EMG1: variants seen among roughly 807,000 people sequenced by gnomAD.
EMG1 encodes the protein ribosomal RNA small subunit methyltransferase NEP1.
In EMG1, 24 loss-of-function variants were observed where a neutral mutation model predicts 26.9. The ratio of observed to expected loss-of-function variants is 0.89; its 90% confidence interval spans 0.65 to 1.26. EMG1 has a LOEUF of 1.26. Ranked by LOEUF, EMG1 falls within the 50% of genes most tolerant of loss-of-function variation. The pLI is 0.00. For missense variants in EMG1, 299 were observed against 307.6 expected (o/e 0.97, Z 0.21); for synonymous variants, 140 against 112.6 (o/e 1.24, Z -1.54).
chr12:6,977,490 G>C lies in EMG1; in HGVS notation c.*1681G>C, dbSNP rs781973336. ...GGAGGACAGTAATGGCGGCCAGCTTGCTCAGGGTGGGGCTCTCTTGAATGA... is the reference window on the plus strand; with the variant it reads ...GGAGGACAGTAATGGCGGCCAGCTTCCTCAGGGTGGGGCTCTCTTGAATGA... On this transcript the variant is annotated 3_prime_UTR_variant, in exon 6 of 6. Transcript: ENST00000599672. The surrounding 1 kb of genome is among the most constrained non-coding windows in gnomAD (Gnocchi z 4.5). 25 of 1,614,224 alleles carry C rather than the reference G, an allele frequency of 1.5e-5. No homozygotes were observed. The South Asian group carries it at 2.5e-4, about 16-fold the overall frequency.
intron 6 of EMG1, among the ~76,000 whole-genome samples, chr12:6,985,089 TA>T (rs10559240): frequency 0.82 from 92,331 of 112,530 alleles, 38,314 homozygotes; most frequent in East Asian, 0.96. Flanking sequence ...CCCCATACAT[TA>T]AAAAAAAAAA....
chr12:6,993,286 T>C (rs1468616989), intron 7 of EMG1, among the ~76,000 whole-genome samples: 6 of 151,772 alleles, frequency 4.0e-5, no homozygotes, highest in African/African-American at 1.5e-4. Context: ...AACAAAAAAT[T>C]AGCTGGGCGT....
At chr12:6,991,890 A>G (rs1214690201), downstream of EMG1, among the ~76,000 whole-genome samples, 3 of 152,130 alleles carry the variant, frequency 2.0e-5, no homozygotes, top group Non-Finnish European at 4.4e-5. Flanking sequence ...CATTTCTTCA[A>G]ACAAGTTTAA....
chr12:6,981,899 G>A, downstream of EMG1: 2 of 1,583,928 alleles, frequency 1.3e-6, no homozygotes, highest in Non-Finnish European at 1.7e-6. Flanking sequence ...CAGCCAGAAG[G>A]TAGGCCTAGG....
Position 6,979,670 on chromosome 12 carries a change from G to T in EMG1, c.*3861G>T, listed in dbSNP as rs1431223916. 1.2e-6 allele frequency: 1 copy of T among 857,260 alleles called. No individual in the cohort carries two copies. Among genetic ancestry groups the T allele is most frequent in the Non-Finnish European group, 1.9e-6 (1 of 517,160 alleles). 53.1% of individuals were successfully genotyped at this position (857,260 alleles called of 1,614,324 possible). Reference sequence around the variant, plus strand: ...TTCAGTTATGGAGAGGAGTGTTTAGGGGTGTGGTTGTCTACCTGGAATGGG... The same window carrying T: ...TTCAGTTATGGAGAGGAGTGTTTAGTGGTGTGGTTGTCTACCTGGAATGGG... On this transcript the variant is annotated 3_prime_UTR_variant, in exon 6 of 6. Coordinates refer to ENST00000599672, the MANE Select transcript of EMG1 (RefSeq NM_006331.8).
downstream of EMG1, chr12:6,983,422 G>GT: frequency 6.4e-7 from 1 of 1,560,658 alleles, no homozygotes; most frequent in South Asian, 1.1e-5. Flanking sequence ...TGCTAATTTA[G>GT]TTTACTCACC....
Position 6,979,680 on chromosome 12 carries a change from G to A in EMG1, c.*3871G>A. The A allele has an allele frequency of 1.3e-6, 1 of 787,342 alleles. No individual in the cohort carries two copies. The highest frequency in any genetic ancestry group is 1.5e-5 in the South Asian group (1 of 64,836). 48.8% of individuals were successfully genotyped at this position (787,342 alleles called of 1,614,324 possible). ...GAGAGGAGTGTTTAGGGGTGTGGTT[G>A]TCTACCTGGAATGGGATGAGAAGCT... On this transcript the variant is annotated 3_prime_UTR_variant, in exon 6 of 6. Coordinates refer to ENST00000599672, the MANE Select transcript of EMG1 (RefSeq NM_006331.8).
intron 7 of EMG1, among the ~76,000 whole-genome samples, chr12:6,994,626 C>G (rs1946621405): frequency 6.6e-6 from 1 of 152,032 alleles, no homozygotes; most frequent in South Asian, 2.1e-4. Flanking sequence ...ACAGGACCGG[C>G]TAATTTCTTG....
chr12:6,982,852 G>A (rs782675174), downstream of EMG1: 49 of 963,702 alleles, frequency 5.1e-5, 1 homozygote, highest in Middle Eastern at 4.2e-4. Context: ...CAATCACAAC[G>A]TAATATATAA....
rs1378907276 is a variant in EMG1, at chr12:6,971,192, T to A, written c.168+101T>A. The A allele has an allele frequency of 3.1e-6, 3 of 975,430 alleles. No individual in the cohort carries two copies. The African/African-American group carries it at 4.9e-5, about 16-fold the overall frequency. The allele number at this position is 975,430 out of a possible 1,614,324, so 60.4% of individuals were successfully genotyped here. On this transcript the variant is annotated intron_variant, in intron 1 of 5. Transcript: ENST00000599672. The stretch of plus-strand genomic sequence containing the variant: ...AGTGGATGTAGAAAGCAGAGAGGGG[T>A]GAAAGATGCTTTTGAAGGAAGGTGG...
intron 5 of EMG1, 69 bp downstream of exon 5, chr12:6,975,447 G>A: frequency 6.8e-7 from 1 of 1,463,710 alleles, no homozygotes; most frequent in Non-Finnish European, 9.2e-7. Context: ...CAGAGCAGTA[G>A]GCATTTTAAC....
Position 6,976,821 on chromosome 12 carries a change from T to G in EMG1, c.*1012T>G. The G allele has an allele frequency of 4.7e-6, 1 of 210,868 alleles. No individual in the cohort carries two copies. Among genetic ancestry groups the G allele is most frequent in the South Asian group, 1.1e-4 (1 of 9,108 alleles). 13.1% of individuals were successfully genotyped at this position (210,868 alleles called of 1,614,324 possible). A position where few individuals can be genotyped will look rare whatever the true frequency, so the allele number is the denominator to read the frequency against. On this transcript the variant is annotated 3_prime_UTR_variant, in exon 6 of 6. Transcript: ENST00000599672. ...TTCCACCTCCCTGGCTTTTCCATTC[T>G]CTGCTCTGGGGCAAAGGAGTGCTGT...
chr12:6,980,501 G>A (rs1347621661), downstream of EMG1, among the ~76,000 whole-genome samples: 1 of 151,892 alleles, frequency 6.6e-6, no homozygotes, highest in Non-Finnish European at 1.5e-5. Context: ...GACTACAGAT[G>A]CATGCCACTA....
chr12:6,975,180 G>C (rs1946379218), intron 4 of EMG1, 32 bp downstream of exon 4: 1 of 1,613,916 alleles, frequency 6.2e-7, no homozygotes, highest in Non-Finnish European at 8.5e-7. Flanking sequence ...GTTGAAGGCT[G>C]GTTCTGGGAA....
Position 6,974,338 on chromosome 12 carries a change from G to A in EMG1, c.169-1G>A. On this transcript the variant is annotated splice_acceptor_variant, in intron 1 of 5. Coordinates refer to ENST00000599672, the MANE Select transcript of EMG1 (RefSeq NM_006331.8). LOFTEE classifies it high-confidence loss of function. ...CTCTCGTCATGTTCCCTGTTCTTCA[G>A]GTAGGGAAGACATATGAGCTACTCA... 6.2e-7 allele frequency: 1 copy of A among 1,605,800 alleles called. No individual in the cohort carries two copies. The highest frequency in any genetic ancestry group is 1.7e-5 in the Admixed American group (1 of 59,632).
intron 7 of EMG1, among the ~76,000 whole-genome samples, chr12:6,994,528 A>G (rs1173646327): frequency 6.6e-6 from 1 of 151,992 alleles, no homozygotes; most frequent in Non-Finnish European, 1.5e-5. Flanking sequence ...GTGCAGTGGC[A>G]TGCTCACAGC....
Position 6,979,486 on chromosome 12 carries a change from G to A in EMG1, c.*3677G>A. 1 of 1,612,324 alleles carries A rather than the reference G, an allele frequency of 6.2e-7. No homozygotes were observed. Among genetic ancestry groups the A allele is most frequent in the East Asian group, 2.2e-5 (1 of 44,870 alleles). On this transcript the variant is annotated 3_prime_UTR_variant, in exon 6 of 6. Transcript: ENST00000599672. ...AGACACTCACGTCATAGTCTTCAGTGAGGAGATAGTCTTCTGTGATGTGGG... is the reference window on the plus strand; with the variant it reads ...AGACACTCACGTCATAGTCTTCAGTAAGGAGATAGTCTTCTGTGATGTGGG...
At chr12:6,982,860 TA>T, downstream of EMG1, 7 of 900,252 alleles carry the variant, frequency 7.8e-6, no homozygotes, top group Non-Finnish European at 1.2e-5. Flanking sequence ...ACGTAATATA[TA>T]AAGAAAAAAT....
In EMG1 at chr12:6,974,335, T is replaced by A; in HGVS notation, c.169-4T>A. The A allele has an allele frequency of 6.2e-7, 1 of 1,603,556 alleles. No individual in the cohort carries two copies. The highest frequency in any genetic ancestry group is 1.1e-5 in the South Asian group (1 of 90,362). ...GTTCTCTCGTCATGTTCCCTGTTCTTCAGGTAGGGAAGACATATGAGCTAC... is the reference window on the plus strand; with the variant it reads ...GTTCTCTCGTCATGTTCCCTGTTCTACAGGTAGGGAAGACATATGAGCTAC... On this transcript the variant is annotated splice_region_variant and splice_polypyrimidine_tract_variant and intron_variant, in intron 1 of 5. Coordinates refer to ENST00000599672, the MANE Select transcript of EMG1 (RefSeq NM_006331.8).
Sources: gnomAD v4.1 joint callset for allele counts (sites outside exome capture counted in the v4.1 genomes callset) on GRCh38, gnomAD v4.1.1 for gene constraint, Gnocchi (gnomAD v3.1) non-coding constraint, MANE v1.5 for transcripts, NCBI Gene and HGNC (gene_info 2026-07-23, HGNC 2026-07-21) for gene names.